Variants in VDAC1 observed in about 807,000 individuals in gnomAD.
VDAC1 encodes the protein non-selective voltage-gated ion channel VDAC1.
Under a neutral mutation model 34.7 loss-of-function variants are expected in VDAC1, and 10 were observed. That is an observed-to-expected ratio of 0.29 (90% CI 0.18 to 0.49). The LOEUF (loss-of-function observed/expected upper bound fraction) is 0.49, where lower values mean the gene tolerates loss of function less well. Among genes scored for constraint, VDAC1 ranks in the 20% least tolerant of loss-of-function variants. The pLI, the probability that VDAC1 is intolerant of heterozygous loss-of-function variation, is 0.99. For synonymous variants in VDAC1, 130 were observed against 136.0 expected (o/e 0.96, Z 0.30); for missense variants, 230 against 347.9 (o/e 0.66, Z 2.69).
At chr5:134,067,714 G>GGGAGAA in the VDAC1 span, among the ~76,000 whole-genome samples, 10 of 151,324 alleles carry the variant, frequency 6.6e-5, no homozygotes, top group East Asian at 1.4e-3. Flanking sequence ...GAGAAGGAGA[G>GGGAGAA]GGAGAAGGAG....
intron 5 of VDAC1, chr5:133,988,797 T>C (rs1752997715): frequency 6.6e-6 from 1 of 151,752 alleles, no homozygotes. Context: ...CCAAAAAACT[T>C]TCCTTTGTGT....
chr5:134,011,382 C>G, the VDAC1 span, among the ~76,000 whole-genome samples: 1 of 151,950 alleles, frequency 6.6e-6, no homozygotes, highest in South Asian at 2.1e-4. Flanking sequence ...GATATTATAC[C>G]TTTTGTCAGA....
the VDAC1 span, among the ~76,000 whole-genome samples, chr5:134,063,821 A>G: frequency 1.3e-5 from 2 of 152,014 alleles, no homozygotes; most frequent in South Asian, 4.1e-4. Context: ...TCTAATTTTT[A>G]TTTATTTACT....
the VDAC1 span, among the ~76,000 whole-genome samples, chr5:134,102,898 G>A: frequency 6.2e-4 from 94 of 152,164 alleles, 1 homozygote; most frequent in Middle Eastern, 0.01. Context: ...GAGTCTCCCT[G>A]AGTTCTCAGG....
the VDAC1 span, among the ~76,000 whole-genome samples, chr5:134,051,541 CT>C: frequency 6.6e-6 from 1 of 152,200 alleles, no homozygotes; most frequent in African/African-American, 2.4e-5. Flanking sequence ...AGCCAGTCCC[CT>C]TGCTCAATAC....
chr5:134,095,518 A>AATCAATCAATC, the VDAC1 span, among the ~76,000 whole-genome samples: 9 of 150,444 alleles, frequency 6.0e-5, no homozygotes, highest in African/African-American at 2.2e-4. Flanking sequence ...ATAAATAAAT[A>AATCAATCAATC]AATAAATCCA....
the VDAC1 span, among the ~76,000 whole-genome samples, chr5:134,102,279 G>C: frequency 6.6e-6 from 1 of 152,094 alleles, no homozygotes; most frequent in Non-Finnish European, 1.5e-5. Context: ...CCAGTGCAGT[G>C]AGTGCACTCG....
At chr5:133,983,588 A>G (rs1167238437) in intron 5 of VDAC1, among the ~76,000 whole-genome samples, 2 of 152,154 alleles carry the variant, frequency 1.3e-5, no homozygotes, top group African/African-American at 4.8e-5. Context: ...ATTCTCAATG[A>G]GACAAGAATT....
At chr5:134,017,706 G>A in the VDAC1 span, among the ~76,000 whole-genome samples, 3 of 152,060 alleles carry the variant, frequency 2.0e-5, no homozygotes, top group East Asian at 3.9e-4. Context: ...GAGGTCAGGA[G>A]ATCAAGACCA....
chr5:134,065,699 T>G, the VDAC1 span, among the ~76,000 whole-genome samples: 1 of 152,174 alleles, frequency 6.6e-6, no homozygotes, highest in Non-Finnish European at 1.5e-5. Context: ...GTCAGTATGA[T>G]AGCTATTCTT....
chr5:133,983,144 G>C (rs368292539), intron 5 of VDAC1, among the ~76,000 whole-genome samples: 11 of 151,836 alleles, frequency 7.2e-5, no homozygotes, highest in South Asian at 2.1e-4. Context: ...AGCTACTCAG[G>C]AGGCTGAGGC....
At chr5:133,997,517 G>A (rs1753361874) in intron 1 of VDAC1, among the ~76,000 whole-genome samples, 1 of 149,798 alleles carries the variant, frequency 6.7e-6, no homozygotes, top group African/African-American at 2.5e-5. Context: ...GGCCAACATG[G>A]CAAAACCCCG....
At chr5:133,983,479 T>C (rs954411749) in intron 5 of VDAC1, among the ~76,000 whole-genome samples, 4 of 152,126 alleles carry the variant, frequency 2.6e-5, no homozygotes, top group Admixed American at 6.6e-5. Context: ...CTATCAAAGC[T>C]GTGTGATAGG....
the VDAC1 span, among the ~76,000 whole-genome samples, chr5:134,039,518 CGG>C: frequency 6.6e-6 from 1 of 151,276 alleles, no homozygotes; most frequent in Non-Finnish European, 1.5e-5. Flanking sequence ...TTAGTAGAGA[CGG>C]GGGTTTCACC....
chr5:134,025,397 C>CCCCA, the VDAC1 span, among the ~76,000 whole-genome samples: 1 of 152,144 alleles, frequency 6.6e-6, no homozygotes, highest in African/African-American at 2.4e-5. Context: ...TCCCACCAGG[C>CCCCA]CCCACCTCCA....
the VDAC1 span, among the ~76,000 whole-genome samples, chr5:134,063,094 AG>A: frequency 1.3e-5 from 2 of 152,254 alleles, no homozygotes; most frequent in Non-Finnish European, 1.5e-5. Context: ...CTTACAAAAA[AG>A]TTTCAAAGAT....
chr5:134,097,107 C>G, the VDAC1 span, among the ~76,000 whole-genome samples: 1 of 150,878 alleles, frequency 6.6e-6, no homozygotes. Flanking sequence ...GCTGTCAGGA[C>G]CCTTCACATC....
chr5:134,099,915 C>T, the VDAC1 span, among the ~76,000 whole-genome samples: 1 of 152,194 alleles, frequency 6.6e-6, no homozygotes, highest in Admixed American at 6.5e-5. Flanking sequence ...CAGAACCTAT[C>T]GTCCAGGCCC....
At chr5:133,998,022 G>A (rs776450583) in intron 1 of VDAC1, among the ~76,000 whole-genome samples, 11 of 150,614 alleles carry the variant, frequency 7.3e-5, no homozygotes, top group Non-Finnish European at 5.9e-5. Context: ...AGCTGAGATC[G>A]CGCCATTGTA....
Sources: gnomAD v4.1 joint callset for allele counts (sites outside exome capture counted in the v4.1 genomes callset) on GRCh38, gnomAD v4.1.1 for gene constraint, MANE v1.5 for transcripts, NCBI Gene and HGNC (gene_info 2026-07-23, HGNC 2026-07-21) for gene names.